DACH2: variants seen among roughly 807,000 people sequenced by gnomAD.
DACH2 encodes dachshund family transcription factor 2.
DACH2 carries 17 observed loss-of-function variants against 35.8 expected under a neutral mutation model. That is an observed-to-expected ratio of 0.48 (90% confidence interval 0.33 to 0.71). The LOEUF is 0.71. DACH2 is among the 30% of genes least tolerant of loss of function. The pLI is 0.02. For missense variants in DACH2, 469 were observed against 472.7 expected, an observed-to-expected ratio of 0.99 and a Z score of 0.07; for synonymous variants, 195 against 177.3, an observed-to-expected ratio of 1.10 and a Z score of -0.79.
chrX:86,281,384 A>G (rs1275112979), intron 1 of DACH2, among the ~76,000 whole-genome samples: 5 of 111,836 alleles, frequency 4.5e-5, no homozygotes, highest in Non-Finnish European at 7.5e-5. Context: ...ACACGAACAG[A>G]ACCAGTGACA....
intron 3 of DACH2, among the ~76,000 whole-genome samples, chrX:86,599,524 G>A (rs867036387): frequency 6.1e-5 from 1 of 16,424 alleles, no homozygotes; most frequent in African/African-American, 3.7e-4. Flanking sequence ...CTTTCAAAGA[G>A]TCTCTCTCTG....
intron 3 of DACH2, 34 bp from the exon 4 acceptor site, chrX:86,651,002 A>T (rs749792163): frequency 3.4e-5 from 38 of 1,113,806 alleles, no homozygotes; most frequent in Non-Finnish European, 4.2e-5. Flanking sequence ...ATTAATATAA[A>T]TAAATAAATG....
In DACH2 at chrX:86,809,424, T is replaced by A. The variant is rs183261340; in HGVS notation, c.1241-3432T>A. Among the ~76,000 whole-genome samples the A allele has an allele frequency of 3.1e-4, 35 of 111,130 alleles. No homozygotes were observed. In the East Asian group the frequency reaches 8.8e-3, roughly 28 times the overall value. The stretch of plus-strand genomic sequence containing the variant: ...ATTTAAATTCTGAGCAAAATTCAGA[T>A]GCTGTTCAGATGTAAAAATATATTA... On this transcript the variant is annotated intron_variant, in intron 7 of 11. Transcript: ENST00000373125.
chrX:86,697,555 A>G (rs2041081285), intron 5 of DACH2, among the ~76,000 whole-genome samples: 1 of 111,592 alleles, frequency 9.0e-6, no homozygotes, highest in South Asian at 3.7e-4. Context: ...GACATAGCTG[A>G]TATTTTAGAA....
chrX:86,534,805 A>G (rs2038773760), intron 3 of DACH2, among the ~76,000 whole-genome samples: 1 of 111,683 alleles, frequency 9.0e-6, no homozygotes, highest in East Asian at 2.8e-4. Context: ...GTTTTCTCCT[A>G]TGTCCCATTT....
intron 6 of DACH2, among the ~76,000 whole-genome samples, chrX:86,727,280 C>G (rs1403820112): frequency 3.6e-5 from 4 of 111,742 alleles, no homozygotes; most frequent in Non-Finnish European, 7.5e-5. Flanking sequence ...AGATTTAAAA[C>G]ATACCTACAG....
chrX:86,827,304 C>T (rs1690535230), intron 11 of DACH2, among the ~76,000 whole-genome samples: 1 of 111,773 alleles, frequency 8.9e-6, no homozygotes, highest in East Asian at 2.8e-4. Context: ...TAGGCCTTTA[C>T]TAATGTTTTA....
intron 3 of DACH2, among the ~76,000 whole-genome samples, chrX:86,546,404 C>CTTCTTCTTCTTCTT (rs774988785): frequency 2.3e-4 from 5 of 21,661 alleles, no homozygotes; most frequent in Admixed American, 6.8e-4. Flanking sequence ...TCTTCTTCTT[C>CTTCTTCTTCTTCTT]CTTCTTCTTC....
At chrX:86,359,730 A>C (rs1369057910) in intron 1 of DACH2, among the ~76,000 whole-genome samples, 1 of 104,216 alleles carries the variant, frequency 9.6e-6, no homozygotes, top group Non-Finnish European at 1.9e-5. Flanking sequence ...GCCTTGTGAC[A>C]GTGCAAGACC....
intron 1 of DACH2, among the ~76,000 whole-genome samples, chrX:86,204,931 A>G (rs932217355): frequency 5.4e-5 from 6 of 111,941 alleles, no homozygotes; most frequent in African/African-American, 1.9e-4. Flanking sequence ...AGATAAAGTC[A>G]CAGGGCTGGG....
intron 2 of DACH2, among the ~76,000 whole-genome samples, chrX:86,433,816 T>C (rs936350259): frequency 3.6e-5 from 4 of 111,783 alleles, no homozygotes; most frequent in Non-Finnish European, 7.5e-5. Context: ...GTGTGTATTG[T>C]AGTAAGAAAG....
chrX:86,348,189 G>A (rs1307553735), intron 1 of DACH2, among the ~76,000 whole-genome samples: 2 of 111,608 alleles, frequency 1.8e-5, no homozygotes, highest in Non-Finnish European at 3.8e-5. Context: ...TTCATGTACA[G>A]ACAGAATCAG....
rs368588814 is a variant in DACH2, at chrX:86,398,625, T to G, written c.527+21763T>G. ...CGTTAGTTTCAAAGAATATCTTTAT[T>G]TCTGCCTTCATTTCGTTATGTACCC... On this transcript the variant is annotated intron_variant, in intron 2 of 11. Transcript: ENST00000373125. Among the ~76,000 whole-genome samples the G allele has an allele frequency of 3.1e-4, 35 of 112,157 alleles. No homozygotes were observed. The East Asian group carries it at 6.2e-3, about 20-fold the overall frequency.
chrX:86,285,949 T>C (rs2034135250), intron 1 of DACH2, among the ~76,000 whole-genome samples: 1 of 108,618 alleles, frequency 9.2e-6, no homozygotes, highest in Non-Finnish European at 1.9e-5. Flanking sequence ...TTTCTTGAAA[T>C]CTAGTTTTTC....
At chrX:86,524,844 T>C (rs2038608504) in intron 3 of DACH2, among the ~76,000 whole-genome samples, 1 of 111,108 alleles carries the variant, frequency 9.0e-6, no homozygotes, top group Non-Finnish European at 1.9e-5. Context: ...TTGGTGATGG[T>C]GATGGTGATG....
intron 1 of DACH2, among the ~76,000 whole-genome samples, chrX:86,325,470 G>T (rs1200790195): frequency 8.9e-6 from 1 of 111,911 alleles, no homozygotes; most frequent in Non-Finnish European, 1.9e-5. Context: ...TTCATATTGG[G>T]GGCTCAACTT....
At chrX:86,744,074 A>G (rs1310952506) in intron 7 of DACH2, among the ~76,000 whole-genome samples, 1 of 111,656 alleles carries the variant, frequency 9.0e-6, no homozygotes, top group Non-Finnish European at 1.9e-5. Flanking sequence ...GCACTCAAGT[A>G]TACACTATTG....
chrX:86,545,438 G>A (rs1207427079), intron 3 of DACH2, among the ~76,000 whole-genome samples: 2 of 111,527 alleles, frequency 1.8e-5, no homozygotes, highest in East Asian at 2.8e-4. Context: ...CTACCTATTA[G>A]ATACTATGCT....
intron 6 of DACH2, among the ~76,000 whole-genome samples, chrX:86,727,829 C>T (rs1263718888): frequency 8.9e-6 from 1 of 111,874 alleles, no homozygotes; most frequent in Non-Finnish European, 1.9e-5. Context: ...GCCAATTAAA[C>T]TTTTTTTCTT....
Sources: allele counts gnomAD v4.1 joint callset (sites outside exome capture counted in the v4.1 genomes callset), GRCh38; gene constraint gnomAD v4.1.1; transcripts MANE v1.5; gene names NCBI Gene and HGNC (gene_info 2026-07-23, HGNC 2026-07-21).